SPATA16: variants seen among roughly 807,000 people sequenced by gnomAD.
SPATA16 encodes the protein spermatogenesis-associated protein 16.
A neutral mutation model predicts 63.3 loss-of-function variants in SPATA16; 36 were observed. The ratio of observed to expected loss-of-function variants is 0.57; its 90% CI spans 0.44 to 0.75. SPATA16 has a LOEUF of 0.75. Ranked by LOEUF, SPATA16 falls within the 30% of genes least tolerant of loss-of-function variation. The pLI, the probability that SPATA16 is intolerant of heterozygous loss-of-function variation, is 0.00. For missense variants in SPATA16, 646 were observed against 679.3 expected (o/e 0.95, Z 0.54); for synonymous variants, 203 against 216.7 (o/e 0.94, Z 0.56).
chr3:172,895,988 A>ATTTT (rs368227171), intron 10 of SPATA16, among the ~76,000 whole-genome samples: 11 of 148,928 alleles, frequency 7.4e-5, no homozygotes, highest in African/African-American at 2.2e-4. Context: ...TGCATATTTA[A>ATTTT]TTTTTTTTTT....
rs531295814 is a variant in SPATA16 at position 172,990,320 on chromosome 3, G to T, written c.849-13268C>A. On this transcript the variant is annotated intron_variant, in intron 4 of 10. Transcript: ENST00000351008. ...TAGTAAGTGAATAAATATTTGCTAA[G>T]TGATTTTGTTAAGTGAAGGGAGGCA... 3.7e-3 allele frequency among the ~76,000 whole-genome samples: 556 copies of T among 152,308 alleles called. 2 individuals carry two copies. Among genetic ancestry groups the T allele is most frequent in the African/African-American group, 0.013 (530 of 41,562 alleles).
chr3:172,916,341 G>A lies in SPATA16; in HGVS notation c.1479C>T (p.Asp493=), dbSNP rs2109565880. The change falls in exon 9 of 11, where the codon GAC becomes GAT. Residue 493 remains aspartate, a synonymous_variant. Coordinates refer to ENST00000351008, the MANE Select transcript of SPATA16 (RefSeq NM_031955.6). Reference sequence around the variant, plus strand: ...CCAATTCTGCCTCCTGTTGACTGATGTCCTGTAGGTAGGGAATGGTTGCTA... The same window carrying A: ...CCAATTCTGCCTCCTGTTGACTGATATCCTGTAGGTAGGGAATGGTTGCTA... ...AELATIPYLQ[D]ISQQEAELLQ... is the part of the protein sequence containing the mutation. 2 of 1,613,056 alleles carry A rather than the reference G, an allele frequency of 1.2e-6. No individual in the cohort carries two copies. The highest frequency in any genetic ancestry group is 2.2e-5 in the East Asian group (1 of 44,838).
chr3:172,925,314 T>C (rs1732702823), intron 7 of SPATA16, 32 bp downstream of exon 7: 2 of 1,613,222 alleles, frequency 1.2e-6, no homozygotes, highest in African/African-American at 1.3e-5. Flanking sequence ...CAGGCTACTA[T>C]ATGCTAGACC....
intron 2 of SPATA16, among the ~76,000 whole-genome samples, chr3:173,055,159 T>C (rs745476850): frequency 3.3e-5 from 5 of 152,086 alleles, no homozygotes; most frequent in Admixed American, 6.5e-5. Flanking sequence ...AGAAAATGGA[T>C]TGCAAAAACT....
chr3:172,916,555 G>A (rs772755575), intron 8 of SPATA16, 74 bp from the exon 9 acceptor site: 40 of 1,489,122 alleles, frequency 2.7e-5, no homozygotes, highest in Non-Finnish European at 3.6e-5. Context: ...TGGAAGTCAG[G>A]GCTTGTGATA....
chr3:172,953,095 G>T (rs564583687), intron 6 of SPATA16, among the ~76,000 whole-genome samples: 1 of 151,962 alleles, frequency 6.6e-6, no homozygotes, highest in African/African-American at 2.4e-5. Context: ...TAGAGCTTTG[G>T]TTTTTGTTGA....
At chr3:172,985,728 G>T in intron 4 of SPATA16, among the ~76,000 whole-genome samples, 1 of 152,094 alleles carries the variant, frequency 6.6e-6, no homozygotes, top group African/African-American at 2.4e-5. Flanking sequence ...TTTGGTTGGG[G>T]AGCAGGGACA....
At chr3:172,976,809 A>G (rs1414603118) in intron 5 of SPATA16, among the ~76,000 whole-genome samples, 159 bp downstream of exon 5, 1 of 152,092 alleles carries the variant, frequency 6.6e-6, no homozygotes, top group Non-Finnish European at 1.5e-5. Flanking sequence ...TTAGTCTTAG[A>G]AAATCTACTT....
chr3:172,903,812 C>T (rs756710038), intron 10 of SPATA16, among the ~76,000 whole-genome samples: 10 of 152,176 alleles, frequency 6.6e-5, no homozygotes, highest in Admixed American at 2.6e-4. Context: ...GCAGCTACCA[C>T]GAAGCAGTGT....
chr3:172,902,915 C>A (rs1293881988), intron 10 of SPATA16, among the ~76,000 whole-genome samples: 5 of 152,158 alleles, frequency 3.3e-5, no homozygotes, highest in African/African-American at 1.2e-4. Context: ...TCCTTTAGAG[C>A]TGCATGTAAA....
intron 10 of SPATA16, among the ~76,000 whole-genome samples, chr3:172,903,508 A>T (rs1412707631): frequency 5.9e-5 from 9 of 152,176 alleles, no homozygotes; most frequent in African/African-American, 2.2e-4. Context: ...TGTGATGGTA[A>T]AACTTGGAGG....
intron 4 of SPATA16, among the ~76,000 whole-genome samples, chr3:172,980,282 C>A (rs1419049700): frequency 6.6e-6 from 1 of 152,182 alleles, no homozygotes; most frequent in Non-Finnish European, 1.5e-5. Context: ...ATCCTGGTTC[C>A]GGCAGACTCA....
At chr3:172,916,193 T>C in intron 9 of SPATA16, 124 bp downstream of exon 9, 1 of 1,185,172 alleles carries the variant, frequency 8.4e-7, no homozygotes, top group Non-Finnish European at 1.2e-6. Flanking sequence ...TCAAGAAGGT[T>C]TGGGAGTTTG....
At chr3:172,955,467 T>TA (rs1220945191) in intron 6 of SPATA16, among the ~76,000 whole-genome samples, 3 of 152,186 alleles carry the variant, frequency 2.0e-5, no homozygotes, top group Non-Finnish European at 4.4e-5. Context: ...ACTTTTTTTT[T>TA]AACCTGCTTT....
chr3:172,919,235 A>C (rs1215927178), intron 8 of SPATA16, among the ~76,000 whole-genome samples: 1 of 152,236 alleles, frequency 6.6e-6, no homozygotes, highest in East Asian at 1.9e-4. Flanking sequence ...AACTGACAGC[A>C]GCCAATAAAG....
At chr3:173,018,029 G>C (rs1735232425) in intron 4 of SPATA16, among the ~76,000 whole-genome samples, 2 of 152,146 alleles carry the variant, frequency 1.3e-5, no homozygotes, top group Non-Finnish European at 2.9e-5. Context: ...GAGTACCTTA[G>C]ATAAAACACA....
intron 3 of SPATA16, among the ~76,000 whole-genome samples, chr3:173,031,199 C>A (rs1735596769): frequency 6.6e-6 from 1 of 151,416 alleles, no homozygotes; most frequent in South Asian, 2.1e-4. Flanking sequence ...GTACACTTAA[C>A]ACTGGGTAAG....
intron 3 of SPATA16, among the ~76,000 whole-genome samples, chr3:173,034,238 T>C (rs1183033773): frequency 6.6e-6 from 1 of 152,200 alleles, no homozygotes; most frequent in Non-Finnish European, 1.5e-5. Context: ...CTATTATTTT[T>C]TATGCTGCCT....
chr3:173,102,871 A>T (rs1224262643), intron 2 of SPATA16, among the ~76,000 whole-genome samples: 1 of 152,226 alleles, frequency 6.6e-6, no homozygotes, highest in East Asian at 1.9e-4. Context: ...TTTGGGAATG[A>T]GTTCCTTCCA....
Sources: gnomAD v4.1 joint callset for allele counts (sites outside exome capture counted in the v4.1 genomes callset) on GRCh38, gnomAD v4.1.1 for gene constraint, MANE v1.5 for transcripts, NCBI Gene and HGNC (gene_info 2026-07-23, HGNC 2026-07-21) for gene names.